WDR64: variants seen among roughly 807,000 people sequenced by gnomAD.
The protein encoded by WDR64 is WD repeat-containing protein 64.
In WDR64, 112 loss-of-function variants were observed where a neutral mutation model predicts 139.3. The observed-to-expected ratio is 0.80, with a 90% CI of 0.69 to 0.94. WDR64 has a LOEUF of 0.94. Among genes scored for constraint, WDR64 ranks in the 40% least tolerant of loss-of-function variants. The pLI is 0.00. For synonymous variants in WDR64, 444 were observed against 437.7 expected (o/e 1.01, Z -0.18); for missense variants, 1,206 against 1,293.1 (o/e 0.93, Z 1.03).
At position 241,757,350 on chromosome 1, in the gene WDR64, A is replaced by T. The variant is rs755009789; in HGVS notation, c.1838A>T (p.Asp613Val). The T allele has an allele frequency of 2.5e-6, 4 of 1,613,980 alleles. No individual in the cohort carries two copies. Among genetic ancestry groups the T allele is most frequent in the Non-Finnish European group, 3.4e-6 (4 of 1,180,004 alleles). ...ELPDVVPFLQDGKHAVHLRMS... is the reference protein window; with the variant it reads ...ELPDVVPFLQVGKHAVHLRMS... The stretch of plus-strand genomic sequence containing the variant: ...CCTGATGTTGTGCCTTTCCTACAAG[A>T]TGGGAAACATGCTGTGCATCTGAGA... The change falls in exon 15 of 28, where the codon GAT becomes GTT. Residue 613 changes from aspartate to valine, a missense_variant. Coordinates refer to ENST00000437684, the MANE Select transcript of WDR64 (RefSeq NM_001367482.1).
At chr1:241,791,446 C>T (rs1659212418) in intron 25 of WDR64, among the ~76,000 whole-genome samples, 1 of 152,110 alleles carries the variant, frequency 6.6e-6, no homozygotes, top group Non-Finnish European at 1.5e-5. Flanking sequence ...GTGGAAAGAT[C>T]CCTAGAGTCC....
At position 241,787,619 on chromosome 1, in the gene WDR64, C is replaced by T. The variant is rs1048074679; in HGVS notation, c.2706-230C>T. ...GGCAGAGGTTGCAGTGAGTCGAGAT[C>T]ATGCCATTGCACTCTAGCCTGGGCA... On this transcript the variant is annotated intron_variant, in intron 23 of 27. Transcript: ENST00000437684. 2.0e-4 allele frequency among the ~76,000 whole-genome samples: 29 copies of T among 145,768 alleles called. No individual in the cohort carries two copies. The Admixed American group carries it at 2.0e-3, about 10-fold the overall frequency.
chr1:241,793,195 A>G (rs1417454736), intron 25 of WDR64, among the ~76,000 whole-genome samples: 11 of 152,250 alleles, frequency 7.2e-5, no homozygotes, highest in Non-Finnish European at 1.2e-4. Flanking sequence ...ATGTTGTTTG[A>G]GCAAGAAACA....
At chr1:241,653,836 T>C (rs1001704020) in intron 1 of WDR64, among the ~76,000 whole-genome samples, 9 of 152,140 alleles carry the variant, frequency 5.9e-5, no homozygotes, top group Non-Finnish European at 1.0e-4. Context: ...TGAGCCACCG[T>C]GCCCGGCCAA....
intron 1 of WDR64, among the ~76,000 whole-genome samples, chr1:241,658,865 TA>T (rs891042693): frequency 3.3e-5 from 5 of 151,680 alleles, no homozygotes; most frequent in African/African-American, 1.2e-4. Context: ...AGTAATATTT[TA>T]GCCAAAGGAC....
chr1:241,741,416 C>A, intron 11 of WDR64, 100 bp from the exon 12 acceptor site: 1 of 955,354 alleles, frequency 1.0e-6, no homozygotes, highest in Non-Finnish European at 1.5e-6. Flanking sequence ...TTGCTAATCT[C>A]ACTGTTTGGC....
chr1:241,779,393 CT>C (rs1173870506), intron 21 of WDR64, among the ~76,000 whole-genome samples: 1 of 152,122 alleles, frequency 6.6e-6, no homozygotes, highest in African/African-American at 2.4e-5. Context: ...AAATTGTAGG[CT>C]GAGTATCTCT....
chr1:241,668,895 G>C (rs1208268540), intron 2 of WDR64, among the ~76,000 whole-genome samples: 1 of 142,740 alleles, frequency 7.0e-6, no homozygotes, highest in Non-Finnish European at 1.5e-5. Flanking sequence ...GCAAGACTCC[G>C]TCAAAAAAAA....
At chr1:241,720,938 C>A (rs1361958106) in intron 9 of WDR64, among the ~76,000 whole-genome samples, 1 of 151,998 alleles carries the variant, frequency 6.6e-6, no homozygotes, top group African/African-American at 2.4e-5. Flanking sequence ...GGTTTACATT[C>A]AAGTCTTTAA....
At chr1:241,679,354 G>A in intron 5 of WDR64, 131 bp from the exon 6 acceptor site, 2 of 696,316 alleles carry the variant, frequency 2.9e-6, no homozygotes, top group Non-Finnish European at 5.0e-6. Flanking sequence ...CAGACAGGAT[G>A]TACTGCAAGG....
intron 14 of WDR64, among the ~76,000 whole-genome samples, chr1:241,756,199 G>T (rs1188690820): frequency 6.6e-6 from 1 of 152,014 alleles, no homozygotes; most frequent in Admixed American, 6.6e-5. Flanking sequence ...ATGAGCATGG[G>T]ATGTTTTTCC....
intron 15 of WDR64, among the ~76,000 whole-genome samples, chr1:241,760,443 C>T (rs528020825): frequency 6.6e-6 from 1 of 150,634 alleles, no homozygotes; most frequent in Admixed American, 6.6e-5. Flanking sequence ...CTTAGCATTG[C>T]CATGGCAAAG....
intron 19 of WDR64, among the ~76,000 whole-genome samples, chr1:241,771,909 CATATACAT>C (rs1390641349): frequency 7.2e-6 from 1 of 138,724 alleles, no homozygotes; most frequent in African/African-American, 2.6e-5. Context: ...TACATACACA[CATATACAT>C]ATATACATAC....
At position 241,772,854 on chromosome 1, in the gene WDR64, G is replaced by A; in HGVS notation, c.2353G>A (p.Ala785Thr). ...AATGGACAAAAAACACCCTGGAATTGCCAATTTACCAGAAGCCCAGCCACC... is the reference window on the plus strand; with the variant it reads ...AATGGACAAAAAACACCCTGGAATTACCAATTTACCAGAAGCCCAGCCACC... ...QPMDKKHPGI[A>T]NLPEAQPPIL... Residue 785 changes from alanine to threonine, a missense_variant, in exon 20 of 28, where the codon GCC becomes ACC. Ala to Thr is a moderately conservative substitution (Grantham distance 58). Transcript: ENST00000437684. The A allele has an allele frequency of 6.4e-7, 1 of 1,552,032 alleles. No homozygotes were observed. The highest frequency in any genetic ancestry group is 1.4e-5 in the African/African-American group (1 of 73,112).
chr1:241,655,520 A>G (rs1339636993), intron 1 of WDR64, among the ~76,000 whole-genome samples: 1 of 152,162 alleles, frequency 6.6e-6, no homozygotes, highest in African/African-American at 2.4e-5. Context: ...AAATCCACAT[A>G]TACTAACAAA....
chr1:241,754,180 T>C (rs1351060108), intron 14 of WDR64, among the ~76,000 whole-genome samples: 5 of 152,152 alleles, frequency 3.3e-5, no homozygotes, highest in Admixed American at 2.6e-4. Flanking sequence ...AACTAATATG[T>C]TTAAAAATTA....
At chr1:241,664,989 G>T (rs1246910550) in intron 2 of WDR64, among the ~76,000 whole-genome samples, 1 of 152,044 alleles carries the variant, frequency 6.6e-6, no homozygotes, top group Non-Finnish European at 1.5e-5. Flanking sequence ...TTGAGCCCAG[G>T]AGTTTGAGAC....
At chr1:241,701,740 G>C (rs1667718825) in intron 8 of WDR64, among the ~76,000 whole-genome samples, 1 of 152,190 alleles carries the variant, frequency 6.6e-6, no homozygotes, top group African/African-American at 2.4e-5. Context: ...TCTAGAAGCT[G>C]AAGAGGTTTC....
At chr1:241,693,908 T>G (rs557628572) in intron 8 of WDR64, among the ~76,000 whole-genome samples, 68 of 152,212 alleles carry the variant, frequency 4.5e-4, no homozygotes, top group Non-Finnish European at 8.5e-4. Context: ...TAAATTTTTC[T>G]GAATTTCAGC....
Sources: gnomAD v4.1 joint callset for allele counts (sites outside exome capture counted in the v4.1 genomes callset) on GRCh38, gnomAD v4.1.1 for gene constraint, MANE v1.5 for transcripts, NCBI Gene and HGNC (gene_info 2026-07-23, HGNC 2026-07-21) for gene names.